ATP2B2: variants seen among roughly 807,000 people sequenced by gnomAD.
The protein encoded by ATP2B2 is plasma membrane calcium-transporting ATPase 2.
In ATP2B2, 15 loss-of-function variants were observed where a neutral mutation model predicts 120.0. The observed-to-expected ratio is 0.12, with a 90% CI of 0.08 to 0.19. The LOEUF (loss-of-function observed/expected upper bound fraction) is 0.19. Among genes scored for constraint, ATP2B2 ranks in the 10% least tolerant of loss-of-function variants. The pLI is 1.00. For synonymous variants in ATP2B2, 694 were observed against 700.3 expected (o/e 0.99, Z 0.14); for missense variants, 1,045 against 1,719.8 (o/e 0.61, Z 6.94).
chr3:10,546,601 G>A (rs1373235823), intron 2 of ATP2B2, among the ~76,000 whole-genome samples: 1 of 152,174 alleles, frequency 6.6e-6, no homozygotes, highest in East Asian at 1.9e-4. Context: ...GGGCCTGCAG[G>A]AACTCCTCCC....
chr3:10,342,499 T>G lies in ATP2B2; in HGVS notation c.2917+253A>C, dbSNP rs753860706. Among the ~76,000 whole-genome samples, 15 of 152,194 alleles carry G rather than the reference T, an allele frequency of 9.9e-5. No homozygotes were observed. The highest frequency in any genetic ancestry group is 1.8e-4 in the Non-Finnish European group (12 of 68,024). ...GGTCAGGGCCTTGCACGGTCTGTAC[T>G]TGTTGCCAGGAGCTGTCACCAGTGG... On this transcript the variant is annotated intron_variant, in intron 19 of 22. Coordinates refer to ENST00000360273, the MANE Select transcript of ATP2B2 (RefSeq NM_001001331.4). The surrounding 1 kb of genome is among the most constrained non-coding windows in gnomAD (Gnocchi z 4.4).
At chr3:10,418,404 A>G (rs904759899) in intron 2 of ATP2B2, among the ~76,000 whole-genome samples, 3 of 152,192 alleles carry the variant, frequency 2.0e-5, no homozygotes, top group Non-Finnish European at 4.4e-5. Flanking sequence ...CAGACATTTA[A>G]CATATGGCTT....
intron 14 of ATP2B2, among the ~76,000 whole-genome samples, chr3:10,357,848 T>C (rs1423342242): frequency 6.6e-6 from 1 of 152,160 alleles, no homozygotes; most frequent in African/African-American, 2.4e-5. Flanking sequence ...TCAGGACAGC[T>C]TCCTCTGTTC....
chr3:10,654,049 A>G (rs561290799), intron 1 of ATP2B2, among the ~76,000 whole-genome samples: 1 of 152,284 alleles, frequency 6.6e-6, no homozygotes, highest in Admixed American at 6.5e-5. Context: ...GCTCCTGGAA[A>G]TGAGTTAGGC....
At chr3:10,659,194 C>A (rs557021598) in intron 1 of ATP2B2, among the ~76,000 whole-genome samples, 2 of 152,262 alleles carry the variant, frequency 1.3e-5, no homozygotes, top group South Asian at 4.1e-4. Context: ...AACTAATGAG[C>A]AAAATAACCA....
In ATP2B2 at chr3:10,485,232, T is replaced by C. The variant is rs569854591; in HGVS notation, c.-320+20233A>G. Among the ~76,000 whole-genome samples, 8 of 152,352 alleles carry C rather than the reference T, an allele frequency of 5.3e-5. No individual in the cohort carries two copies. The South Asian group carries it at 1.7e-3, about 32-fold the overall frequency. On this transcript the variant is annotated intron_variant, in intron 1 of 22. Transcript: ENST00000360273. The stretch of plus-strand genomic sequence containing the variant: ...TATGTGCTAGGCACCAAGGGTGCCT[T>C]CCTTCTGTGGTTTTCTCATTGAAGT...
At chr3:10,374,470 C>T (rs1313748035) in intron 11 of ATP2B2, among the ~76,000 whole-genome samples, 1 of 152,248 alleles carries the variant, frequency 6.6e-6, no homozygotes, top group Non-Finnish European at 1.5e-5. Context: ...AACTGATGCT[C>T]ACCATGCCCT....
intron 1 of ATP2B2, among the ~76,000 whole-genome samples, chr3:10,644,006 C>T (rs1016848857): frequency 5.3e-5 from 8 of 152,178 alleles, no homozygotes; most frequent in African/African-American, 1.9e-4. Flanking sequence ...AATGGGAGAA[C>T]AGGCTTGCAG....
At chr3:10,345,897 G>A (rs930805953) in intron 17 of ATP2B2, 134 bp downstream of exon 17, 27 of 917,482 alleles carry the variant, frequency 2.9e-5, no homozygotes, top group South Asian at 2.1e-4. Context: ...GCTGAGTCTC[G>A]AGAAGGGTGG....
intron 1 of ATP2B2, among the ~76,000 whole-genome samples, chr3:10,677,590 T>C (rs956198951): frequency 5.3e-5 from 8 of 152,300 alleles, no homozygotes; most frequent in East Asian, 3.9e-4. Flanking sequence ...GTAATACATA[T>C]ATCACTCTGG....
chr3:10,404,843 G>C (rs1260966448), intron 3 of ATP2B2, among the ~76,000 whole-genome samples: 1 of 152,184 alleles, frequency 6.6e-6, no homozygotes, highest in Non-Finnish European at 1.5e-5. Context: ...AGGCATGGAG[G>C]GGGAAGGAGT....
At chr3:10,553,105 A>G (rs576875109) in intron 2 of ATP2B2, among the ~76,000 whole-genome samples, 96 of 152,386 alleles carry the variant, frequency 6.3e-4, no homozygotes, top group African/African-American at 2.1e-3. Flanking sequence ...ATGAGGGAAC[A>G]TAACAGAAAT....
At chr3:10,345,279 C>G in intron 18 of ATP2B2, 105 bp downstream of exon 18, 1 of 1,339,556 alleles carries the variant, frequency 7.5e-7, no homozygotes, top group South Asian at 1.2e-5. Context: ...TGCCTCATCC[C>G]CGGCTGTTCT....
chr3:10,631,591 G>A (rs2069867229), intron 1 of ATP2B2, among the ~76,000 whole-genome samples: 1 of 152,104 alleles, frequency 6.6e-6, no homozygotes. Context: ...TCTTTGCAAG[G>A]GGGCTACTGT....
intron 2 of ATP2B2, among the ~76,000 whole-genome samples, chr3:10,595,831 A>G (rs34135192): frequency 0.04 from 6,022 of 152,284 alleles, 183 homozygotes; most frequent in South Asian, 0.11. Context: ...ACTCCTTTCC[A>G]TAGCCTACAA....
chr3:10,448,217 T>G (rs895329032), intron 2 of ATP2B2, among the ~76,000 whole-genome samples: 7 of 152,214 alleles, frequency 4.6e-5, no homozygotes, highest in Non-Finnish European at 7.3e-5. Flanking sequence ...GGGGAAGGAC[T>G]TGACATCCAC....
chr3:10,339,770 C>T (rs376169170), intron 21 of ATP2B2, among the ~76,000 whole-genome samples: 8 of 152,138 alleles, frequency 5.3e-5, no homozygotes, highest in East Asian at 3.8e-4. Flanking sequence ...TGACGCCAGC[C>T]GGCCACCAGC....
chr3:10,350,186 C>T lies in ATP2B2; in HGVS notation c.2330G>A (p.Arg777Gln), dbSNP rs761076118. 1.7e-5 allele frequency: 28 copies of T among 1,607,512 alleles called. No individual in the cohort carries two copies. The highest frequency in any genetic ancestry group is 8.1e-5 in the African/African-American group (6 of 73,994). ...CAGCTTTGGCCAGATCTTGTCAATT[C>T]GCTCCTGCTCAATCTGGAGAGGGAT... Reference protein sequence around the residue: ...RNEKGEIEQERIDKIWPKLRV... With the variant: ...RNEKGEIEQEQIDKIWPKLRV... The change falls in exon 16 of 23, where the codon CGA becomes CAA. Residue 777 changes from arginine (R) to glutamine (Q), a missense_variant. Arg to Gln is a conservative substitution (Grantham distance 43). Transcript: ENST00000360273.
chr3:10,372,441 A>T (rs1443133263), intron 11 of ATP2B2, among the ~76,000 whole-genome samples: 3 of 152,126 alleles, frequency 2.0e-5, no homozygotes, highest in Non-Finnish European at 4.4e-5. Context: ...TTGGTCATGA[A>T]TTTTCTCAAA....
Sources: gnomAD v4.1 joint callset for allele counts (sites outside exome capture counted in the v4.1 genomes callset) on GRCh38, gnomAD v4.1.1 for gene constraint, Gnocchi (gnomAD v3.1) non-coding constraint, MANE v1.5 for transcripts, NCBI Gene and HGNC (gene_info 2026-07-23, HGNC 2026-07-21) for gene names.